The following MYO1F variants were observed in gnomAD, a reference collection of about 807,000 sequenced individuals.
The protein encoded by MYO1F is myosin IF.
In MYO1F, 60 loss-of-function variants were observed where a neutral mutation model predicts 146.6. The observed-to-expected ratio is 0.41, with a 90% CI of 0.33 to 0.51. The LOEUF is 0.51. Among genes scored for constraint, MYO1F ranks in the 20% least tolerant of loss-of-function variants. The pLI is 0.25. For synonymous variants in MYO1F, 602 were observed against 602.1 expected, an observed-to-expected ratio of 1.00 and a Z score of 0.00; for missense variants, 1,274 against 1,534.3, an observed-to-expected ratio of 0.83 and a Z score of 2.83.
At chr19:8,534,917 ACC>A (rs1282294838) in intron 19 of MYO1F, among the ~76,000 whole-genome samples, 1 of 144,194 alleles carries the variant, frequency 6.9e-6, no homozygotes, top group Non-Finnish European at 1.5e-5. Context: ...GAGCCACTGC[ACC>A]CAGCTTATTT....
intron 25 of MYO1F, among the ~76,000 whole-genome samples, chr19:8,524,582 C>G (rs1248173158): frequency 7.6e-6 from 1 of 132,076 alleles, no homozygotes; most frequent in Admixed American, 7.6e-5. Context: ...GAGACTGTCT[C>G]AAAAAAAAAA....
At position 8,524,963 on chromosome 19, in the gene MYO1F, C is replaced by T. The variant is rs115006719; in HGVS notation, c.2854+516G>A. On this transcript the variant is annotated intron_variant, in intron 25 of 27. Coordinates refer to ENST00000644032, the MANE Select transcript of MYO1F (RefSeq NM_012335.4). ...TGTTAATCCCAGCACTTTCGGAGGC[C>T]GAGACGGGCGGGTCACCTGAGGTCA... Among the ~76,000 whole-genome samples, 527 of 152,038 alleles carry T rather than the reference C, an allele frequency of 3.5e-3. 7 individuals carry two copies. The highest frequency in any genetic ancestry group is 0.012 in the African/African-American group (497 of 41,480).
chr19:8,553,894 A>ACTCTCTCTCTCTCTCTCTCT (rs530875155), intron 4 of MYO1F, among the ~76,000 whole-genome samples: 16 of 102,600 alleles, frequency 1.6e-4, no homozygotes, highest in South Asian at 3.3e-4. Context: ...ACACACACAC[A>ACTCTCTCTCTCTCTCTCTCT]CTCTCTCTCT....
At position 8,530,594 on chromosome 19, in the gene MYO1F, GC is replaced by G; in HGVS notation, c.2044-22del. ...AAAAGCTGGGCGGGGGTCGTGGGGG[GC>G]AAGGGTGAGTCCTGGTGTCTCCCCA... On this transcript the variant is annotated intron_variant, in intron 19 of 27. Coordinates refer to ENST00000644032, the MANE Select transcript of MYO1F (RefSeq NM_012335.4). This position sits in a 1 kb window ranked among gnomAD's most constrained non-coding sequence, Gnocchi z 5.8. 6.3e-7 allele frequency: 1 copy of G among 1,576,814 alleles called. No homozygotes were observed. The highest frequency in any genetic ancestry group is 8.7e-7 in the Non-Finnish European group (1 of 1,153,302).
intron 1 of MYO1F, among the ~76,000 whole-genome samples, chr19:8,576,284 C>T (rs1271888889): frequency 6.6e-6 from 1 of 152,184 alleles, no homozygotes; most frequent in Non-Finnish European, 1.5e-5. Context: ...CAGGCATGAG[C>T]CACTGTCCCT....
chr19:8,551,683 G>A, intron 8 of MYO1F, 57 bp downstream of exon 8: 1 of 1,613,556 alleles, frequency 6.2e-7, no homozygotes, highest in Non-Finnish European at 8.5e-7. Flanking sequence ...TAACTCAGGA[G>A]GGTTTCTGGG....
Position 8,527,487 on chromosome 19 carries a change from T to C in MYO1F, c.2329-4A>G. ...GGATCAAGTCCCGCTTGATGGGCTG[T>C]GGGGATGCAGGATTAGAGGCTGATG... is the stretch of plus-strand genomic sequence containing the variant. On this transcript the variant is annotated splice_polypyrimidine_tract_variant and splice_region_variant and intron_variant, in intron 21 of 27. Coordinates refer to ENST00000644032, the MANE Select transcript of MYO1F (RefSeq NM_012335.4). 1 of 1,613,748 alleles carries C rather than the reference T, an allele frequency of 6.2e-7. No homozygotes were observed. The highest frequency in any genetic ancestry group is 8.5e-7 in the Non-Finnish European group (1 of 1,179,898).
At chr19:8,524,042 C>T (rs1427428999) in intron 25 of MYO1F, among the ~76,000 whole-genome samples, 1 of 136,542 alleles carries the variant, frequency 7.3e-6, no homozygotes, top group Non-Finnish European at 1.5e-5. Context: ...TTGCTTCAAC[C>T]TGGGAGGTGG....
At chr19:8,551,972 C>A in intron 7 of MYO1F, 61 bp downstream of exon 7, 1 of 1,613,860 alleles carries the variant, frequency 6.2e-7, no homozygotes. Context: ...GTTTACCTTC[C>A]CATTGTCCAC....
intron 15 of MYO1F, chr19:8,540,483 G>T (rs1599945802): frequency 6.6e-6 from 1 of 152,300 alleles, no homozygotes; most frequent in Non-Finnish European, 1.5e-5. Flanking sequence ...GCTGAGGCAG[G>T]TGGATCACCT....
In MYO1F at chr19:8,577,337, G is replaced by C; in HGVS notation, c.-28C>G. 6.2e-7 allele frequency: 1 copy of C among 1,613,886 alleles called. No individual in the cohort carries two copies. Among genetic ancestry groups the C allele is most frequent in the South Asian group, 1.1e-5 (1 of 91,026 alleles). On this transcript the variant is annotated 5_prime_UTR_variant, in exon 1 of 28. Transcript: ENST00000644032. This position sits in a 1 kb window ranked among gnomAD's most constrained non-coding sequence, Gnocchi z 4.3. ...TGGGGGGCTGGTGTCTGGGCTCCTG[G>C]AGGCTCCTGAATGGGTCGTGATGGA...
In MYO1F at chr19:8,553,325, T is replaced by C. The variant is rs112640311; in HGVS notation, c.414+25A>G. ...CCATGCAGGTGAGGGCGACCCAGCT[T>C]ATCCTTCTGTTTTCCTCGTCTCACC... On this transcript the variant is annotated intron_variant, in intron 5 of 27. Coordinates refer to ENST00000644032, the MANE Select transcript of MYO1F (RefSeq NM_012335.4). 7,016 of 1,613,136 alleles carry C rather than the reference T, an allele frequency of 4.3e-3. 305 individuals are homozygous for C. The African/African-American group carries it at 0.083, about 19-fold the overall frequency.
intron 1 of MYO1F, among the ~76,000 whole-genome samples, chr19:8,562,753 C>CT (rs1355798853): frequency 1.3e-5 from 2 of 151,610 alleles, no homozygotes; most frequent in Non-Finnish European, 2.9e-5. Flanking sequence ...AGGCTGGTCT[C>CT]TAACTCCTGG....
chr19:8,541,425 GTTTTTTTTTTTT>G (rs4040643), intron 15 of MYO1F, among the ~76,000 whole-genome samples: 1 of 87,926 alleles, frequency 1.1e-5, no homozygotes, highest in Non-Finnish European at 1.9e-5. Context: ...GTGTGTGTGT[GTTTTTTTTTTTT>G]TTTTTTTTTG....
At chr19:8,529,444 T>C (rs1168857202) in intron 21 of MYO1F, among the ~76,000 whole-genome samples, 2 of 151,934 alleles carry the variant, frequency 1.3e-5, no homozygotes, top group Non-Finnish European at 2.9e-5. Flanking sequence ...ATGTGTCTGT[T>C]GGTGGAGGTG....
chr19:8,525,574 G>A lies in MYO1F; in HGVS notation c.2771-12C>T, dbSNP rs753233424. On this transcript the variant is annotated splice_polypyrimidine_tract_variant and intron_variant, in intron 24 of 27. Transcript: ENST00000644032. ...CTTCCGCGTAGGCTCTGAAAGAAGA[G>A]TGTCAGGGAGTTGAATGACAGACAG... 2.2e-5 allele frequency: 35 copies of A among 1,609,698 alleles called. No individual in the cohort carries two copies. The South Asian group carries it at 3.7e-4, about 17-fold the overall frequency.
At chr19:8,529,525 G>A (rs756790942) in intron 21 of MYO1F, among the ~76,000 whole-genome samples, 3 of 152,132 alleles carry the variant, frequency 2.0e-5, no homozygotes, top group Non-Finnish European at 4.4e-5. Flanking sequence ...TGTACCTATG[G>A]ACTAGGCTGC....
chr19:8,575,996 C>T (rs566296087), intron 1 of MYO1F, among the ~76,000 whole-genome samples: 1 of 152,240 alleles, frequency 6.6e-6, no homozygotes, highest in East Asian at 1.9e-4. Flanking sequence ...TGCCCAATTT[C>T]TCATCAGCTT....
Position 8,539,962 on chromosome 19 carries a change from G to A in MYO1F, c.1677C>T (p.Ala559=), listed in dbSNP as rs371885290. The A allele has an allele frequency of 5.2e-5, 84 of 1,612,570 alleles. No homozygotes were observed. The African/African-American group carries it at 9.6e-4, about 18-fold the overall frequency. Residue 559 remains alanine, a synonymous_variant, in exon 16 of 28, where the codon GCC becomes GCT. Coordinates refer to ENST00000644032, the MANE Select transcript of MYO1F (RefSeq NM_012335.4). ...DGDKKGRPST[A]GSKIKKQAND... Reference sequence around the variant, plus strand: ...CCAGGCCCACCTTGATCTTGGAGCCGGCGGTGCTGGGGCGCCCCTTCTTGT... The same window carrying A: ...CCAGGCCCACCTTGATCTTGGAGCCAGCGGTGCTGGGGCGCCCCTTCTTGT...
Sources: allele counts gnomAD v4.1 joint callset (sites outside exome capture counted in the v4.1 genomes callset), GRCh38; gene constraint gnomAD v4.1.1; non-coding constraint Gnocchi (gnomAD v3.1); transcripts MANE v1.5; gene names NCBI Gene and HGNC (gene_info 2026-07-23, HGNC 2026-07-21).